Variants in SLC44A1 observed in about 807,000 individuals in gnomAD.
The protein encoded by SLC44A1 is choline transporter-like protein 1.
SLC44A1 carries 26 observed loss-of-function variants against 79.3 expected under a neutral mutation model. That is an observed-to-expected ratio of 0.33 (90% CI 0.24 to 0.46). The LOEUF is 0.46. Ranked by LOEUF, SLC44A1 falls within the 20% of genes least tolerant of loss-of-function variation. The pLI is 1.00. For missense variants in SLC44A1, 688 were observed against 798.1 expected (o/e 0.86, Z 1.66); for synonymous variants, 263 against 286.2 (o/e 0.92, Z 0.82).
chr9:105,355,571 A>AT (rs1202176454), intron 5 of SLC44A1, among the ~76,000 whole-genome samples: 1 of 152,202 alleles, frequency 6.6e-6, no homozygotes, highest in Non-Finnish European at 1.5e-5. Flanking sequence ...ATATTATTAC[A>AT]TTATAAGCAT....
chr9:105,419,543 T>C (rs1306173428), intron 15 of SLC44A1, among the ~76,000 whole-genome samples: 1 of 152,228 alleles, frequency 6.6e-6, no homozygotes, highest in African/African-American at 2.4e-5. Context: ...CTTACAGGTA[T>C]AGCCAACTGT....
chr9:105,247,264 C>G (rs939336214), intron 1 of SLC44A1, among the ~76,000 whole-genome samples: 4 of 152,104 alleles, frequency 2.6e-5, no homozygotes, highest in Non-Finnish European at 5.9e-5. Flanking sequence ...CTTCTCCAGC[C>G]TCTCTTAGGG....
chr9:105,365,798 A>C (rs527938945), intron 11 of SLC44A1, among the ~76,000 whole-genome samples, 159 bp downstream of exon 11: 1 of 152,144 alleles, frequency 6.6e-6, no homozygotes, highest in African/African-American at 2.4e-5. Flanking sequence ...CCACTCATGC[A>C]CTCCATATGC....
rs887770753 is a variant in SLC44A1 at position 105,389,913 on chromosome 9, T to C, written c.*857T>C. On this transcript the variant is annotated 3_prime_UTR_variant, in exon 16 of 16. Coordinates refer to ENST00000374720, the MANE Select transcript of SLC44A1 (RefSeq NM_080546.5). ...GTGTATTGATTTGCAGATTAAGTAA[T>C]GCTGGGAGGAATAAAGAAGGGACAG... is the stretch of plus-strand genomic sequence containing the variant. 14 of 1,522,350 alleles carry C rather than the reference T, an allele frequency of 9.2e-6. No individual in the cohort carries two copies. The highest frequency in any genetic ancestry group is 1.4e-5 in the African/African-American group (1 of 72,036). 94.3% of individuals were successfully genotyped at this position (1,522,350 alleles called of 1,614,324 possible). A position where few individuals can be genotyped will look rare whatever the true frequency, so the allele number is the denominator to read the frequency against.
intron 2 of SLC44A1, among the ~76,000 whole-genome samples, 168 bp from the exon 3 acceptor site, chr9:105,309,556 G>T (rs760018026): frequency 3.9e-5 from 6 of 152,138 alleles, no homozygotes; most frequent in Non-Finnish European, 5.9e-5. Context: ...GGACTTCTTT[G>T]TACTGTTTAT....
chr9:105,386,966 G>A (rs1352515536), intron 15 of SLC44A1, among the ~76,000 whole-genome samples: 6 of 144,244 alleles, frequency 4.2e-5, no homozygotes, highest in Non-Finnish European at 9.0e-5. Context: ...TTGAACCTGG[G>A]AGGCAGAGGT....
At chr9:105,303,272 A>T (rs1473494956) in intron 2 of SLC44A1, among the ~76,000 whole-genome samples, 2 of 152,054 alleles carry the variant, frequency 1.3e-5, no homozygotes, top group African/African-American at 4.8e-5. Flanking sequence ...AAAAGGCTAA[A>T]GTTCCTTCCC....
chr9:105,299,383 G>A (rs1474295857), intron 2 of SLC44A1, 74 bp downstream of exon 2: 1 of 988,426 alleles, frequency 1.0e-6, no homozygotes, highest in African/African-American at 1.7e-5. Context: ...TTTTAATGAG[G>A]GCAGTTGTGG....
chr9:105,395,370 C>A lies in SLC44A1; in HGVS notation c.*6314C>A. On this transcript the variant is annotated 3_prime_UTR_variant, in exon 16 of 16. Transcript: ENST00000374720. ...AGTAGCTGGGACCACAGGCATGTGC[C>A]ACCACACCCAGCTAATTTTTGTATT... is the stretch of plus-strand genomic sequence containing the variant. 2.9e-6 allele frequency: 1 copy of A among 340,536 alleles called. No homozygotes were observed. The highest frequency in any genetic ancestry group is 4.2e-6 in the Non-Finnish European group (1 of 240,184). 21.1% of individuals were successfully genotyped at this position (340,536 alleles called of 1,614,324 possible). A position where few individuals can be genotyped will look rare whatever the true frequency, so the allele number is the denominator to read the frequency against.
At chr9:105,257,118 C>G (rs894021936) in intron 1 of SLC44A1, among the ~76,000 whole-genome samples, 7 of 149,790 alleles carry the variant, frequency 4.7e-5, no homozygotes, top group Admixed American at 1.3e-4. Context: ...TTCTTTGAGA[C>G]GGAGTTTCGC....
downstream of SLC44A1, among the ~76,000 whole-genome samples, chr9:105,397,555 G>T (rs891396729): frequency 3.3e-5 from 5 of 152,172 alleles, no homozygotes; most frequent in African/African-American, 1.2e-4. Context: ...GAAGTACAAA[G>T]TTCATCCACT....
intron 15 of SLC44A1, among the ~76,000 whole-genome samples, chr9:105,415,843 C>T (rs1278426388): frequency 6.7e-6 from 1 of 149,758 alleles, no homozygotes; most frequent in African/African-American, 2.5e-5. Context: ...TCCCGTTTTA[C>T]GTTCATTTGA....
rs1037155517 is a variant in SLC44A1 at position 105,335,628 on chromosome 9, T to C, written c.335T>C (p.Leu112Pro). 2 of 1,613,614 alleles carry C rather than the reference T, an allele frequency of 1.2e-6. No homozygotes were observed. The highest frequency in any genetic ancestry group is 1.7e-6 in the Non-Finnish European group (2 of 1,179,568). Residue 112 changes from leucine (L) to proline (P), a missense_variant, in exon 4 of 16, where the codon CTG becomes CCG. Physicochemically the swap from Leu to Pro is moderately conservative, Grantham distance 98. Transcript: ENST00000374720. ...LINRKIKSVALCVAACPRQEL... is the reference protein window; with the variant it reads ...LINRKIKSVAPCVAACPRQEL... The stretch of plus-strand genomic sequence containing the variant: ...AACCGGAAGATTAAGTCTGTAGCAC[T>C]GTGTGTAGCAGCGTGTCCAAGGCAA...
At chr9:105,328,477 C>G (rs1826650763) in intron 3 of SLC44A1, among the ~76,000 whole-genome samples, 1 of 152,174 alleles carries the variant, frequency 6.6e-6, no homozygotes, top group South Asian at 2.1e-4. Context: ...GCAGCAGCCC[C>G]ACGGTGAGAG....
intron 3 of SLC44A1, among the ~76,000 whole-genome samples, chr9:105,326,243 G>A (rs569506957): frequency 6.6e-6 from 1 of 152,124 alleles, no homozygotes; most frequent in African/African-American, 2.4e-5. Context: ...GCTAATTTTT[G>A]TATTTTTTGT....
At chr9:105,403,369 T>TC (rs778438652) in intron 15 of SLC44A1, among the ~76,000 whole-genome samples, 88 of 152,138 alleles carry the variant, frequency 5.8e-4, no homozygotes, top group Non-Finnish European at 9.4e-4. Flanking sequence ...AAATTGGGAT[T>TC]TGGGGATGCT....
At position 105,363,087 on chromosome 9, in the gene SLC44A1, C is replaced by T. The variant is rs193178204; in HGVS notation, c.1087+80C>T. 5.7e-5 allele frequency: 65 copies of T among 1,132,688 alleles called. 1 individual carries two copies. In the East Asian group the frequency reaches 7.5e-4, roughly 13 times the overall value. 70.2% of individuals were successfully genotyped at this position (1,132,688 alleles called of 1,614,324 possible). On this transcript the variant is annotated intron_variant, in intron 9 of 15. Transcript: ENST00000374720. ...TTTAGAACATCAGAGAGAGGTAATT[C>T]TTCAGACATTTGTTGATGAAGGTCC...
chr9:105,315,152 G>A (rs1455187293), intron 3 of SLC44A1, among the ~76,000 whole-genome samples: 1 of 151,956 alleles, frequency 6.6e-6, no homozygotes, highest in Non-Finnish European at 1.5e-5. Context: ...ACTTTGAAAG[G>A]CACCAAAGCC....
chr9:105,354,120 G>A (rs1004389087), intron 5 of SLC44A1, among the ~76,000 whole-genome samples: 3 of 132,004 alleles, frequency 2.3e-5, no homozygotes, highest in East Asian at 2.2e-4. Flanking sequence ...GCGCGATCTC[G>A]GCTCACTGCA....
Sources: gnomAD v4.1 joint callset for allele counts (sites outside exome capture counted in the v4.1 genomes callset) on GRCh38, gnomAD v4.1.1 for gene constraint, MANE v1.5 for transcripts, NCBI Gene and HGNC (gene_info 2026-07-23, HGNC 2026-07-21) for gene names.